ARHGEF28: variants seen among roughly 807,000 people sequenced by gnomAD.
ARHGEF28 encodes Rho guanine nucleotide exchange factor 28.
A neutral mutation model predicts 206.6 loss-of-function variants in ARHGEF28; 152 were observed. The observed-to-expected ratio is 0.74, with a 90% CI of 0.64 to 0.84. The LOEUF is 0.84. Among genes scored for constraint, ARHGEF28 ranks in the 40% least tolerant of loss-of-function variants. ARHGEF28 has a pLI of 0.00. For synonymous variants in ARHGEF28, 763 were observed against 776.4 expected (o/e 0.98, Z 0.29); for missense variants, 2,028 against 2,073.2 (o/e 0.98, Z 0.42).
At chr5:73,645,512 T>C (rs1467349931) in intron 1 of ARHGEF28, among the ~76,000 whole-genome samples, 1 of 152,190 alleles carries the variant, frequency 6.6e-6, no homozygotes, top group Non-Finnish European at 1.5e-5. Context: ...ACTATGAATT[T>C]CCATCTCCCT....
intron 1 of ARHGEF28, among the ~76,000 whole-genome samples, chr5:73,665,267 C>T (rs1466872314): frequency 1.3e-5 from 2 of 152,184 alleles, no homozygotes; most frequent in Non-Finnish European, 1.5e-5. Context: ...TAAAACATAT[C>T]ATTGAGGTAC....
chr5:73,695,338 C>T (rs1394330991), intron 2 of ARHGEF28, among the ~76,000 whole-genome samples: 1 of 151,744 alleles, frequency 6.6e-6, no homozygotes, highest in Non-Finnish European at 1.5e-5. Context: ...GTGGGTGTTC[C>T]CCAGGGCCCT....
At chr5:73,761,263 A>T (rs916974725) in intron 4 of ARHGEF28, among the ~76,000 whole-genome samples, 1 of 152,196 alleles carries the variant, frequency 6.6e-6, no homozygotes, top group Non-Finnish European at 1.5e-5. Context: ...ACCTTGAAGG[A>T]GAAAGTTAAA....
intron 11 of ARHGEF28, among the ~76,000 whole-genome samples, chr5:73,841,190 C>A (rs1210597334): frequency 6.6e-6 from 1 of 151,998 alleles, no homozygotes. Context: ...CAGGAAATAA[C>A]CCAAATGTGG....
In ARHGEF28 at chr5:73,846,395, T is replaced by G. The variant is rs757369387; in HGVS notation, c.1555T>G (p.Ser519Ala). ...GATTCCTAGTGGGGATGAATTGGACTCTTTTGAGACTAACACTGAACCGGA... is the reference window on the plus strand; with the variant it reads ...GATTCCTAGTGGGGATGAATTGGACGCTTTTGAGACTAACACTGAACCGGA... ...TGIPSGDELD[S>A]FETNTEPDFN... The change falls in exon 12 of 36, where the codon TCT becomes GCT. Residue 519 changes from serine to alanine, a missense_variant. Coordinates refer to ENST00000513042, the MANE Select transcript of ARHGEF28 (RefSeq NM_001177693.2). 3 of 1,613,980 alleles carry G rather than the reference T, an allele frequency of 1.9e-6. No individual in the cohort carries two copies. The East Asian group carries it at 6.7e-5, about 36-fold the overall frequency.
chr5:73,844,840 T>A (rs544158746), intron 11 of ARHGEF28, among the ~76,000 whole-genome samples: 1 of 150,588 alleles, frequency 6.6e-6, no homozygotes, highest in Non-Finnish European at 1.5e-5. Context: ...AGGAAAGCTG[T>A]TGGCCTCCAA....
chr5:73,839,972 T>G (rs1385718465), intron 10 of ARHGEF28, among the ~76,000 whole-genome samples: 1 of 152,180 alleles, frequency 6.6e-6, no homozygotes, highest in African/African-American at 2.4e-5. Context: ...CATTTCCCCC[T>G]CATTTTGAGT....
rs765239949 is a variant in ARHGEF28 at position 73,857,752 on chromosome 5, G to C, written c.1887G>C (p.Arg629Ser). 1.9e-6 allele frequency: 3 copies of C among 1,613,030 alleles called. No homozygotes were observed. In the East Asian group the frequency reaches 6.7e-5, roughly 36 times the overall value. ...GAACTTTCAGTTTCCTCATGAATAGGATGACTAGCCCTCGGAATAAATCAA... is the reference window on the plus strand; with the variant it reads ...GAACTTTCAGTTTCCTCATGAATAGCATGACTAGCCCTCGGAATAAATCAA... ...VSRTFSFLMN[R>S]MTSPRNKSKT... is the part of the protein sequence containing the mutation. Residue 629 changes from arginine to serine, a missense_variant, in exon 15 of 36, where the codon AGG (arginine) becomes AGC (serine). Physicochemically the swap from Arg to Ser is moderately radical, Grantham distance 110. This residue lies in a region of ARHGEF28 where 1,002 missense variants were observed against 1,015.3 expected (regional missense o/e 0.99). Coordinates refer to ENST00000513042, the MANE Select transcript of ARHGEF28 (RefSeq NM_001177693.2).
At chr5:73,691,105 T>C (rs1174793527) in intron 2 of ARHGEF28, among the ~76,000 whole-genome samples, 1 of 152,084 alleles carries the variant, frequency 6.6e-6, no homozygotes, top group African/African-American at 2.4e-5. Flanking sequence ...AATTTTTGTA[T>C]TTTTTGTAGA....
intron 1 of ARHGEF28, among the ~76,000 whole-genome samples, chr5:73,633,629 T>G (rs1383071368): frequency 7.1e-6 from 1 of 140,780 alleles, no homozygotes; most frequent in Non-Finnish European, 1.5e-5. Context: ...CAGGCTGGAG[T>G]GCAGTGGTGT....
chr5:73,741,657 G>A (rs1751443017), intron 2 of ARHGEF28, among the ~76,000 whole-genome samples: 1 of 151,614 alleles, frequency 6.6e-6, no homozygotes, highest in African/African-American at 2.4e-5. Context: ...CCGACCACGT[G>A]ATCCACCTGC....
intron 2 of ARHGEF28, among the ~76,000 whole-genome samples, chr5:73,692,783 A>G (rs181338322): frequency 1.8e-4 from 27 of 152,314 alleles, no homozygotes; most frequent in Non-Finnish European, 3.5e-4. Flanking sequence ...TTGAGGTAGT[A>G]AGTGACTTGG....
chr5:73,813,421 G>A (rs1755966571), intron 9 of ARHGEF28: 1 of 1,360,094 alleles, frequency 7.4e-7, no homozygotes, highest in Non-Finnish European at 9.6e-7. Context: ...ATGCCCGAAG[G>A]AAGCAAAACA....
intron 2 of ARHGEF28, among the ~76,000 whole-genome samples, chr5:73,739,500 G>A (rs1371463554): frequency 7.9e-5 from 12 of 152,062 alleles, no homozygotes; most frequent in Non-Finnish European, 1.8e-4. Context: ...ATAAACCAAA[G>A]CAAAAATATA....
At chr5:73,930,573 G>A (rs1053059307) in intron 35 of ARHGEF28, among the ~76,000 whole-genome samples, 22 of 152,136 alleles carry the variant, frequency 1.4e-4, no homozygotes, top group Non-Finnish European at 1.8e-4. Flanking sequence ...TTTAAGATTC[G>A]AAAAGGACAT....
chr5:73,647,450 C>T (rs905089631), intron 1 of ARHGEF28, among the ~76,000 whole-genome samples: 2 of 152,362 alleles, frequency 1.3e-5, no homozygotes, highest in Admixed American at 6.5e-5. Flanking sequence ...TCACACCTAA[C>T]TTCAGGGAAT....
chr5:73,773,400 C>T (rs1753341666), intron 4 of ARHGEF28, among the ~76,000 whole-genome samples: 3 of 152,208 alleles, frequency 2.0e-5, no homozygotes, highest in South Asian at 4.1e-4. Flanking sequence ...AGGGGAGGAG[C>T]GGCTCTGAGG....
At chr5:73,741,927 A>G (rs190473858) in intron 2 of ARHGEF28, among the ~76,000 whole-genome samples, 59 of 152,216 alleles carry the variant, frequency 3.9e-4, no homozygotes, top group East Asian at 9.6e-4. Flanking sequence ...AAAGTTTCCC[A>G]CTGTGATTGT....
intron 2 of ARHGEF28, among the ~76,000 whole-genome samples, chr5:73,704,451 G>A (rs897810184): frequency 6.6e-6 from 1 of 152,024 alleles, no homozygotes; most frequent in African/African-American, 2.4e-5. Context: ...TTGAGATAGG[G>A]TCTCACTCTG....
Sources: gnomAD v4.1 joint callset for allele counts (sites outside exome capture counted in the v4.1 genomes callset) on GRCh38, gnomAD v4.1.1 for gene constraint, gnomAD v4.1.1 regional missense constraint, MANE v1.5 for transcripts, NCBI Gene and HGNC (gene_info 2026-07-23, HGNC 2026-07-21) for gene names.